The following PDE4D variants were observed in gnomAD, a reference collection of about 807,000 sequenced individuals.
PDE4D encodes the protein phosphodiesterase 4D.
In PDE4D, 24 loss-of-function variants were observed where a neutral mutation model predicts 87.4. The observed-to-expected ratio is 0.27, with a 90% CI of 0.20 to 0.39. PDE4D has a LOEUF of 0.39. PDE4D is among the 10% of genes least tolerant of loss of function. The probability of loss-of-function intolerance (pLI) is 1.00; values close to 1 mark genes in which losing one functional copy is unlikely to be tolerated. For missense variants in PDE4D, 714 were observed against 1,041.0 expected, an observed-to-expected ratio of 0.69 and a Z score of 4.32; for synonymous variants, 384 against 383.2, an observed-to-expected ratio of 1.00 and a Z score of -0.02.
At chr5:59,830,216 G>A (rs1740971794) in intron 1 of PDE4D, among the ~76,000 whole-genome samples, 1 of 151,638 alleles carries the variant, frequency 6.6e-6, no homozygotes, top group African/African-American at 2.4e-5. Context: ...AAAAGGACCA[G>A]AAGAGAGACA....
chr5:60,096,732 C>T (rs936783653), intron 2 of PDE4D, among the ~76,000 whole-genome samples: 2 of 152,052 alleles, frequency 1.3e-5, no homozygotes. Context: ...TGGTTTAAGG[C>T]TGAAACCCTG....
At chr5:60,029,914 G>C (rs1296517549) in intron 2 of PDE4D, among the ~76,000 whole-genome samples, 2 of 152,006 alleles carry the variant, frequency 1.3e-5, no homozygotes, top group African/African-American at 4.8e-5. Flanking sequence ...TCAGAGACGG[G>C]GGAATTTCTC....
At chr5:59,349,981 A>T (rs1271842737) in intron 1 of PDE4D, among the ~76,000 whole-genome samples, 2 of 152,098 alleles carry the variant, frequency 1.3e-5, no homozygotes, top group East Asian at 3.9e-4. Context: ...AATTGAGCAG[A>T]TTCTTTTGAA....
At chr5:59,797,876 G>A (rs1028260914) in intron 1 of PDE4D, among the ~76,000 whole-genome samples, 1 of 151,866 alleles carries the variant, frequency 6.6e-6, no homozygotes, top group Non-Finnish European at 1.5e-5. Flanking sequence ...TTGCAAGTAG[G>A]TGTTCAATAA....
chr5:59,217,591 T>C (rs908218203), intron 1 of PDE4D, among the ~76,000 whole-genome samples: 3 of 152,178 alleles, frequency 2.0e-5, no homozygotes, highest in Non-Finnish European at 4.4e-5. Context: ...TTTATTTGGT[T>C]CAGGAAGGAC....
At chr5:60,106,664 G>A (rs998499384) in intron 2 of PDE4D, among the ~76,000 whole-genome samples, 12 of 152,028 alleles carry the variant, frequency 7.9e-5, no homozygotes, top group Non-Finnish European at 1.8e-4. Flanking sequence ...CTGTCTCTCA[G>A]ACCACAGTGC....
intron 5 of PDE4D, among the ~76,000 whole-genome samples, chr5:59,098,542 T>TAAAA (rs59464520): frequency 6.8e-6 from 1 of 146,818 alleles, no homozygotes; most frequent in South Asian, 2.2e-4. Context: ...TACAAAAAAT[T>TAAAA]AAAAAAAAAA....
intron 1 of PDE4D, among the ~76,000 whole-genome samples, chr5:60,330,048 A>T (rs1757180256): frequency 6.6e-6 from 1 of 150,786 alleles, no homozygotes; most frequent in Non-Finnish European, 1.5e-5. Context: ...AGATAAAAAA[A>T]GTCACTCTGG....
chr5:59,879,858 A>G (rs917913250), intron 1 of PDE4D, among the ~76,000 whole-genome samples: 7 of 152,162 alleles, frequency 4.6e-5, no homozygotes, highest in Non-Finnish European at 7.4e-5. Context: ...CTCCTGCCTC[A>G]GTCTCCTGAG....
chr5:60,260,234 G>A (rs1749510047), intron 1 of PDE4D, among the ~76,000 whole-genome samples: 1 of 152,034 alleles, frequency 6.6e-6, no homozygotes, highest in Middle Eastern at 3.4e-3. Context: ...ATCTGATAGT[G>A]ATAAACTGAG....
chr5:60,368,675 G>A (rs534824532), intron 1 of PDE4D, among the ~76,000 whole-genome samples: 1 of 152,290 alleles, frequency 6.6e-6, no homozygotes, highest in Non-Finnish European at 1.5e-5. Context: ...GAGGGGCCTG[G>A]TGGAATGTGA....
intron 1 of PDE4D, among the ~76,000 whole-genome samples, chr5:59,662,467 C>T (rs1381244078): frequency 6.6e-6 from 1 of 152,132 alleles, no homozygotes; most frequent in African/African-American, 2.4e-5. Flanking sequence ...CCATTTGAAT[C>T]CTTTTAGTTT....
chr5:59,179,999 C>T (rs1442331410), intron 5 of PDE4D, among the ~76,000 whole-genome samples: 1 of 151,854 alleles, frequency 6.6e-6, no homozygotes, highest in African/African-American at 2.4e-5. Flanking sequence ...CACTTGGCTC[C>T]TCTCATCTTT....
chr5:60,046,068 A>C (rs974579659), intron 2 of PDE4D, among the ~76,000 whole-genome samples: 4 of 152,150 alleles, frequency 2.6e-5, no homozygotes, highest in African/African-American at 9.7e-5. Context: ...TTCTCCTTGA[A>C]GAGGTCCTTC....
intron 1 of PDE4D, among the ~76,000 whole-genome samples, chr5:59,676,159 G>GT (rs1273540294): frequency 3.3e-5 from 5 of 151,964 alleles, no homozygotes; most frequent in Non-Finnish European, 5.9e-5. Flanking sequence ...AATAGAATAC[G>GT]TAAGTTCTAA....
At chr5:60,149,034 A>T (rs1464892688) in intron 2 of PDE4D, among the ~76,000 whole-genome samples, 4 of 152,208 alleles carry the variant, frequency 2.6e-5, no homozygotes, top group Non-Finnish European at 4.4e-5. Flanking sequence ...TTGATAATAT[A>T]TGAGAGATAT....
At chr5:59,217,891 G>C (rs1751604089) in intron 1 of PDE4D, 4 of 354,364 alleles carry the variant, frequency 1.1e-5, no homozygotes, top group Non-Finnish European at 1.7e-5. Flanking sequence ...ATACATTAGG[G>C]ATCTTTGGCA....
At chr5:59,362,739 A>C (rs35287) in intron 1 of PDE4D, among the ~76,000 whole-genome samples, 86,857 of 151,994 alleles carry the variant, frequency 0.57, 25,585 homozygotes, top group African/African-American at 0.7. Flanking sequence ...ATGGCTTCTT[A>C]CAACTTTTTA....
At chr5:59,313,205 C>T (rs1216135441) in intron 1 of PDE4D, among the ~76,000 whole-genome samples, 2 of 152,136 alleles carry the variant, frequency 1.3e-5, no homozygotes, top group African/African-American at 4.8e-5. Context: ...TTTGTGCTAA[C>T]CTTTTTCTCT....
Sources: gnomAD v4.1 joint callset for allele counts (sites outside exome capture counted in the v4.1 genomes callset) on GRCh38, gnomAD v4.1.1 for gene constraint, MANE v1.5 for transcripts, NCBI Gene and HGNC (gene_info 2026-07-23, HGNC 2026-07-21) for gene names.